The following PPARGC1A variants were observed in gnomAD, a reference collection of about 807,000 sequenced individuals.
The protein encoded by PPARGC1A is peroxisome proliferator-activated receptor gamma coactivator 1-alpha.
A neutral mutation model predicts 88.7 loss-of-function variants in PPARGC1A; 25 were observed. That is an observed-to-expected ratio of 0.28 (90% CI 0.21 to 0.39). The LOEUF (loss-of-function observed/expected upper bound fraction) is 0.39, where lower values mean the gene tolerates loss of function less well. Ranked by LOEUF, PPARGC1A falls within the 10% of genes least tolerant of loss-of-function variation. The pLI, the probability that PPARGC1A is intolerant of heterozygous loss-of-function variation, is 1.00. For missense variants in PPARGC1A, 880 were observed against 968.7 expected (o/e 0.91, Z 1.22); for synonymous variants, 363 against 355.6 (o/e 1.02, Z -0.24).
chr4:24,159,992 CAAGATTAG>C, the PPARGC1A span, among the ~76,000 whole-genome samples: 1 of 152,184 alleles, frequency 6.6e-6, no homozygotes, highest in African/African-American at 2.4e-5. Flanking sequence ...GGAACACTAA[CAAGATTAG>C]ACTTTGGAAG....
At chr4:24,441,356 T>G in the PPARGC1A span, among the ~76,000 whole-genome samples, 1 of 152,242 alleles carries the variant, frequency 6.6e-6, no homozygotes, top group Admixed American at 6.5e-5. Flanking sequence ...CCTTCTGATT[T>G]GTATTCCCCT....
chr4:24,400,008 C>T, the PPARGC1A span, among the ~76,000 whole-genome samples: 1 of 123,902 alleles, frequency 8.1e-6, no homozygotes, highest in South Asian at 2.8e-4. Flanking sequence ...CTGGTCCGAA[C>T]TCCTGATCTC....
chr4:24,225,716 G>T, the PPARGC1A span, among the ~76,000 whole-genome samples: 1 of 152,096 alleles, frequency 6.6e-6, no homozygotes, highest in Non-Finnish European at 1.5e-5. Context: ...GGAAAATGGA[G>T]CTTCTAGGTG....
the PPARGC1A span, among the ~76,000 whole-genome samples, chr4:23,917,983 A>G: frequency 2.0e-5 from 3 of 152,164 alleles, no homozygotes; most frequent in African/African-American, 7.2e-5. Flanking sequence ...TTACAGAAGG[A>G]TGTAGTAGGT....
At chr4:24,306,774 CT>C in the PPARGC1A span, among the ~76,000 whole-genome samples, 1 of 152,210 alleles carries the variant, frequency 6.6e-6, no homozygotes, top group African/African-American at 2.4e-5. Context: ...TTGCTCACCC[CT>C]GATCTAGACC....
intron 2 of PPARGC1A, among the ~76,000 whole-genome samples, chr4:23,858,749 G>GC (rs1219609810): frequency 3.3e-5 from 5 of 152,142 alleles, no homozygotes; most frequent in Non-Finnish European, 7.4e-5. Context: ...CTTTGTCATT[G>GC]CTAGCAATTA....
the PPARGC1A span, among the ~76,000 whole-genome samples, chr4:24,131,725 G>A: frequency 6.6e-6 from 1 of 152,122 alleles, no homozygotes; most frequent in African/African-American, 2.4e-5. Flanking sequence ...TATTCTAAAG[G>A]TAACCTTGGT....
chr4:24,123,453 T>G, the PPARGC1A span, among the ~76,000 whole-genome samples: 1 of 152,128 alleles, frequency 6.6e-6, no homozygotes, highest in Non-Finnish European at 1.5e-5. Flanking sequence ...GCCTTATTCA[T>G]TGTGAATAGT....
At chr4:24,040,145 C>T in the PPARGC1A span, among the ~76,000 whole-genome samples, 2 of 152,284 alleles carry the variant, frequency 1.3e-5, no homozygotes, top group Non-Finnish European at 2.9e-5. Context: ...GATTCATTTC[C>T]TGGGCTACAC....
chr4:23,944,449 G>A, the PPARGC1A span, among the ~76,000 whole-genome samples: 1 of 152,146 alleles, frequency 6.6e-6, no homozygotes, highest in African/African-American at 2.4e-5. Flanking sequence ...ACTGTTCTGT[G>A]TAAAATCTCC....
chr4:24,252,278 C>G, the PPARGC1A span, among the ~76,000 whole-genome samples: 1 of 152,130 alleles, frequency 6.6e-6, no homozygotes, highest in African/African-American at 2.4e-5. Flanking sequence ...GAGCCCCTCC[C>G]CAGATCTACT....
At chr4:24,008,518 A>T in the PPARGC1A span, among the ~76,000 whole-genome samples, 2 of 152,202 alleles carry the variant, frequency 1.3e-5, no homozygotes, top group East Asian at 3.9e-4. Context: ...AGGAAGGGAA[A>T]ACATAAAACT....
the PPARGC1A span, among the ~76,000 whole-genome samples, chr4:24,351,717 GA>G: frequency 6.6e-6 from 1 of 151,860 alleles, no homozygotes; most frequent in Non-Finnish European, 1.5e-5. Flanking sequence ...TTGAGCTAAG[GA>G]AAAAATAAAA....
chr4:24,267,686 CTTTACT>C, the PPARGC1A span, among the ~76,000 whole-genome samples: 1 of 152,148 alleles, frequency 6.6e-6, no homozygotes, highest in East Asian at 1.9e-4. Context: ...CAAACTCATA[CTTTACT>C]TTTAAAGTTT....
the PPARGC1A span, among the ~76,000 whole-genome samples, chr4:24,400,953 G>A: frequency 1.3e-5 from 2 of 149,044 alleles, no homozygotes; most frequent in Non-Finnish European, 3.0e-5. Context: ...TTGTTTACTT[G>A]TATCTGGAAC....
At chr4:24,289,151 C>T in the PPARGC1A span, among the ~76,000 whole-genome samples, 439 of 132,486 alleles carry the variant, frequency 3.3e-3, 1 homozygote, top group African/African-American at 0.012. Flanking sequence ...ACCCGGGAGG[C>T]GGAGGTTGCG....
chr4:24,424,281 T>C, the PPARGC1A span, among the ~76,000 whole-genome samples: 24 of 127,796 alleles, frequency 1.9e-4, no homozygotes, highest in African/African-American at 7.2e-4. Flanking sequence ...TTTTTTTTTT[T>C]TTTTTTTTTT....
chr4:24,386,214 A>G, the PPARGC1A span, among the ~76,000 whole-genome samples: 3 of 152,158 alleles, frequency 2.0e-5, no homozygotes, highest in Non-Finnish European at 4.4e-5. Flanking sequence ...AAAACTCTCA[A>G]TACACTAGGT....
At chr4:24,387,451 C>T in the PPARGC1A span, among the ~76,000 whole-genome samples, 3 of 152,028 alleles carry the variant, frequency 2.0e-5, no homozygotes, top group Non-Finnish European at 4.4e-5. Context: ...TCAGGTTGGG[C>T]GTGGTGGCTC....
Sources: allele counts gnomAD v4.1 joint callset (sites outside exome capture counted in the v4.1 genomes callset), GRCh38; gene constraint gnomAD v4.1.1; transcripts MANE v1.5; gene names NCBI Gene and HGNC (gene_info 2026-07-23, HGNC 2026-07-21).